Variants in SDK1 observed in about 807,000 individuals in gnomAD.
SDK1 encodes the protein protein sidekick-1.
SDK1 carries 157 observed loss-of-function variants against 245.5 expected under a neutral mutation model. That is an observed-to-expected ratio of 0.64 (90% CI 0.56 to 0.73). SDK1 has a LOEUF of 0.73. SDK1 is among the 30% of genes least tolerant of loss of function. The probability of loss-of-function intolerance (pLI) is 0.00; values close to 1 mark genes in which losing one functional copy is unlikely to be tolerated. For synonymous variants in SDK1, 1,647 were observed against 1,278.5 expected, an observed-to-expected ratio of 1.29 and a Z score of -6.15; for missense variants, 3,583 against 3,002.3, an observed-to-expected ratio of 1.19 and a Z score of -4.52.
intron 4 of SDK1, among the ~76,000 whole-genome samples, chr7:3,698,702 C>G (rs780008603): frequency 5.3e-5 from 8 of 152,184 alleles, no homozygotes; most frequent in Non-Finnish European, 1.2e-4. Context: ...GGCTTTCTTC[C>G]TGGCTTGTAA....
intron 35 of SDK1, among the ~76,000 whole-genome samples, chr7:4,188,620 T>C (rs2128221928): frequency 1.3e-5 from 2 of 152,138 alleles, no homozygotes; most frequent in South Asian, 4.2e-4. Context: ...AAGTAAATAT[T>C]CACCCAGATA....
At chr7:3,594,303 A>G (rs551537640) in intron 1 of SDK1, among the ~76,000 whole-genome samples, 1 of 152,178 alleles carries the variant, frequency 6.6e-6, no homozygotes. Flanking sequence ...TTTTTATTGC[A>G]GATTAATAAA....
intron 32 of SDK1, among the ~76,000 whole-genome samples, chr7:4,165,552 C>T (rs184412350): frequency 1.2e-4 from 18 of 151,960 alleles, no homozygotes; most frequent in East Asian, 3.9e-4. Flanking sequence ...TGCAGTGGTA[C>T]GATCTCGGCT....
At chr7:3,352,829 G>T (rs184709360) in intron 1 of SDK1, among the ~76,000 whole-genome samples, 2 of 152,014 alleles carry the variant, frequency 1.3e-5, no homozygotes, top group African/African-American at 4.8e-5. Context: ...GGTATTCACA[G>T]TGTCTGGGGA....
At chr7:3,745,728 T>C (rs1453787857) in intron 4 of SDK1, among the ~76,000 whole-genome samples, 1 of 152,194 alleles carries the variant, frequency 6.6e-6, no homozygotes, top group Non-Finnish European at 1.5e-5. Context: ...AACATTGTTT[T>C]CAAATGTCTA....
chr7:3,479,412 ACT>A, intron 1 of SDK1, among the ~76,000 whole-genome samples: 1 of 104,930 alleles, frequency 9.5e-6, no homozygotes, highest in East Asian at 2.6e-4. Flanking sequence ...ACAGGGTGAG[ACT>A]GTGTCTCAAA....
Position 3,972,388 on chromosome 7 carries a change from C to G in SDK1, c.1817+820C>G, listed in dbSNP as rs529052415. On this transcript the variant is annotated intron_variant, in intron 12 of 44. Coordinates refer to ENST00000404826, the MANE Select transcript of SDK1 (RefSeq NM_152744.4). ...GCTGCCGTGCCCGGCCAAGGGTTCT[C>G]TAAAGGAATGCCGACATCCTGTCTT... is the stretch of plus-strand genomic sequence containing the variant. 7.9e-5 allele frequency among the ~76,000 whole-genome samples: 12 copies of G among 152,188 alleles called. No individual in the cohort carries two copies. The East Asian group carries it at 1.4e-3, about 17-fold the overall frequency.
chr7:3,910,196 C>G (rs780395519), intron 5 of SDK1, among the ~76,000 whole-genome samples: 1 of 152,234 alleles, frequency 6.6e-6, no homozygotes, highest in Admixed American at 6.5e-5. Context: ...CCTCTGTTCT[C>G]TCTGTAGTGC....
chr7:3,442,723 A>G (rs184946034), intron 1 of SDK1, among the ~76,000 whole-genome samples: 1 of 152,128 alleles, frequency 6.6e-6, no homozygotes, highest in Admixed American at 6.5e-5. Context: ...TGCACTTGAT[A>G]TGTTTTGTTT....
At chr7:3,726,119 C>T (rs892727727) in intron 4 of SDK1, among the ~76,000 whole-genome samples, 17 of 152,240 alleles carry the variant, frequency 1.1e-4, no homozygotes, top group Middle Eastern at 3.4e-3. Flanking sequence ...GCAGGAATTT[C>T]GACTTTATAG....
intron 17 of SDK1, among the ~76,000 whole-genome samples, chr7:4,027,096 C>A (rs1787415278): frequency 6.6e-6 from 1 of 152,152 alleles, no homozygotes; most frequent in African/African-American, 2.4e-5. Flanking sequence ...GAAGCAGCTC[C>A]CCCACTGGCT....
intron 5 of SDK1, among the ~76,000 whole-genome samples, chr7:3,835,099 A>C (rs1263314605): frequency 1.3e-5 from 2 of 152,096 alleles, no homozygotes; most frequent in Non-Finnish European, 2.9e-5. Context: ...CAGTTGATCA[A>C]ATGTTATCTC....
At chr7:3,695,639 C>T (rs1336492770) in intron 4 of SDK1, among the ~76,000 whole-genome samples, 5 of 152,202 alleles carry the variant, frequency 3.3e-5, no homozygotes, top group African/African-American at 7.2e-5. Context: ...AACTATAAAA[C>T]ATGGAGAATT....
chr7:3,867,314 A>C (rs924112590), intron 5 of SDK1, among the ~76,000 whole-genome samples: 1 of 152,246 alleles, frequency 6.6e-6, no homozygotes, highest in Non-Finnish European at 1.5e-5. Flanking sequence ...GCATGTGAAG[A>C]AACTAGAATT....
At chr7:4,225,399 T>C (rs1000567180) in intron 40 of SDK1, among the ~76,000 whole-genome samples, 1 of 152,188 alleles carries the variant, frequency 6.6e-6, no homozygotes, top group Admixed American at 6.5e-5. Flanking sequence ...TTGAGCACTC[T>C]TGTGTGGGAG....
chr7:3,836,206 T>A (rs753216312), intron 5 of SDK1, among the ~76,000 whole-genome samples: 4 of 152,238 alleles, frequency 2.6e-5, no homozygotes, highest in Non-Finnish European at 5.9e-5. Flanking sequence ...CATGTCAAAC[T>A]GTAGTGTTAA....
intron 13 of SDK1, among the ~76,000 whole-genome samples, chr7:3,975,518 C>T (rs1197158627): frequency 1.3e-5 from 2 of 152,234 alleles, no homozygotes; most frequent in Non-Finnish European, 2.9e-5. Context: ...AGCCGTGACT[C>T]ATTGATCCCT....
At chr7:3,666,387 C>CAG (rs1186780655) in intron 4 of SDK1, among the ~76,000 whole-genome samples, 1 of 152,212 alleles carries the variant, frequency 6.6e-6, no homozygotes, top group Non-Finnish European at 1.5e-5. Context: ...AATGCCATCA[C>CAG]CATGCTGGAT....
intron 4 of SDK1, among the ~76,000 whole-genome samples, chr7:3,655,789 G>A (rs1004559709): frequency 1.3e-5 from 2 of 151,786 alleles, no homozygotes; most frequent in Non-Finnish European, 1.5e-5. Flanking sequence ...ACACTAGATC[G>A]AGACTCAGAA....
Sources: allele counts gnomAD v4.1 joint callset (sites outside exome capture counted in the v4.1 genomes callset), GRCh38; gene constraint gnomAD v4.1.1; transcripts MANE v1.5; gene names NCBI Gene and HGNC (gene_info 2026-07-23, HGNC 2026-07-21).